NRXN3: variants seen among roughly 807,000 people sequenced by gnomAD.
The protein encoded by NRXN3 is neurexin III.
In NRXN3, 32 loss-of-function variants were observed where a neutral mutation model predicts 137.6. The observed-to-expected ratio is 0.23, with a 90% CI of 0.18 to 0.31. NRXN3 has a LOEUF of 0.31. Among genes scored for constraint, NRXN3 ranks in the 10% least tolerant of loss-of-function variants. NRXN3 has a pLI of 1.00. For synonymous variants in NRXN3, 798 were observed against 784.5 expected, an observed-to-expected ratio of 1.02 and a Z score of -0.29; for missense variants, 1,574 against 2,062.5, an observed-to-expected ratio of 0.76 and a Z score of 4.59.
intron 1 of NRXN3, among the ~76,000 whole-genome samples, chr14:78,194,162 G>A (rs1243425072): frequency 1.3e-5 from 2 of 152,222 alleles, no homozygotes; most frequent in Non-Finnish European, 2.9e-5. Context: ...AGTGGGCTGA[G>A]CACAATCATG....
chr14:78,231,232 T>G (rs1158777330), intron 1 of NRXN3: 2 of 152,190 alleles, frequency 1.3e-5, no homozygotes, highest in Admixed American at 1.3e-4. Flanking sequence ...ATTCTTTTTC[T>G]CCCCCAGAGA....
chr14:78,235,352 G>C (rs1035572907), intron 1 of NRXN3, among the ~76,000 whole-genome samples: 1 of 151,824 alleles, frequency 6.6e-6, no homozygotes, highest in African/African-American at 2.4e-5. Flanking sequence ...ATGAGATCAG[G>C]CCTGACCTCC....
At chr14:79,773,627 T>G (rs1351837512) in intron 19 of NRXN3, among the ~76,000 whole-genome samples, 13 of 92,102 alleles carry the variant, frequency 1.4e-4, no homozygotes, top group South Asian at 4.5e-4. Flanking sequence ...GGGGACTGTT[T>G]TGGGGTGGGG....
intron 15 of NRXN3, among the ~76,000 whole-genome samples, chr14:79,173,546 A>AT (rs1306569055): frequency 6.6e-6 from 1 of 151,702 alleles, no homozygotes; most frequent in African/African-American, 2.4e-5. Flanking sequence ...AAAAAAAAAA[A>AT]AAAAAAATTA....
chr14:79,709,736 C>T (rs949155546), intron 19 of NRXN3, among the ~76,000 whole-genome samples: 1 of 152,090 alleles, frequency 6.6e-6, no homozygotes, highest in Admixed American at 6.6e-5. Context: ...GAAATTTCAC[C>T]CAGCCTTTAT....
intron 19 of NRXN3, among the ~76,000 whole-genome samples, chr14:79,730,109 G>T (rs2098916411): frequency 6.6e-6 from 1 of 152,168 alleles, no homozygotes; most frequent in African/African-American, 2.4e-5. Flanking sequence ...CGAGGAAGAA[G>T]CCAGATTTGT....
rs1603476571 is a variant in NRXN3 at position 79,770,283 on chromosome 14, A to T, written c.4015-34829A>T. Among the ~76,000 whole-genome samples, 7 of 152,214 alleles carry T rather than the reference A, an allele frequency of 4.6e-5. No individual in the cohort carries two copies. In the South Asian group the frequency reaches 1.5e-3, roughly 32 times the overall value. ...TCTGCACCAAGCGGACCTAATAGAC[A>T]TCTCCAGAACTCTCCACCCCAAATC... On this transcript the variant is annotated intron_variant, in intron 19 of 20. Coordinates refer to ENST00000335750, the MANE Select transcript of NRXN3 (RefSeq NM_001330195.2).
At chr14:78,868,360 G>A (rs959749525) in intron 10 of NRXN3, among the ~76,000 whole-genome samples, 1 of 152,134 alleles carries the variant, frequency 6.6e-6, no homozygotes, top group African/African-American at 2.4e-5. Flanking sequence ...AAAATTCTTA[G>A]TTGATCTGAA....
intron 15 of NRXN3, among the ~76,000 whole-genome samples, chr14:79,082,745 G>A (rs1364707024): frequency 6.6e-6 from 1 of 152,104 alleles, no homozygotes; most frequent in Non-Finnish European, 1.5e-5. Context: ...TCTTTCTAAT[G>A]TAGGGACATC....
At chr14:79,294,680 C>A (rs1036909455) in intron 15 of NRXN3, among the ~76,000 whole-genome samples, 5 of 152,068 alleles carry the variant, frequency 3.3e-5, no homozygotes, top group African/African-American at 4.8e-5. Flanking sequence ...TTTCTGGGTT[C>A]TTCAGTATAA....
At chr14:79,410,712 G>A (rs1330211961) in intron 15 of NRXN3, among the ~76,000 whole-genome samples, 3 of 151,952 alleles carry the variant, frequency 2.0e-5, no homozygotes, top group South Asian at 2.1e-4. Flanking sequence ...ATTCATTGCC[G>A]ATTAGAAGGG....
intron 4 of NRXN3, among the ~76,000 whole-genome samples, chr14:78,398,723 C>T (rs1443095758): frequency 6.6e-6 from 1 of 152,178 alleles, no homozygotes; most frequent in Non-Finnish European, 1.5e-5. Flanking sequence ...ACTTCATTGA[C>T]ATAACCCCGA....
At chr14:79,698,341 C>A (rs574931067) in intron 19 of NRXN3, among the ~76,000 whole-genome samples, 74 of 152,078 alleles carry the variant, frequency 4.9e-4, no homozygotes, top group South Asian at 2.7e-3. Flanking sequence ...CTCCAGATGG[C>A]TTTGCTATAA....
chr14:79,630,654 T>C (rs2098335256), intron 16 of NRXN3, among the ~76,000 whole-genome samples: 1 of 152,224 alleles, frequency 6.6e-6, no homozygotes, highest in Non-Finnish European at 1.5e-5. Flanking sequence ...GTTCTGACTG[T>C]ATGAGGATTC....
intron 1 of NRXN3, among the ~76,000 whole-genome samples, chr14:78,230,613 G>A (rs2065266420): frequency 6.6e-6 from 1 of 152,142 alleles, no homozygotes; most frequent in African/African-American, 2.4e-5. Context: ...AGTCAGCCAT[G>A]AGAAGGTTTG....
intron 15 of NRXN3, among the ~76,000 whole-genome samples, chr14:79,431,076 G>T (rs2095745745): frequency 6.6e-6 from 1 of 152,040 alleles, no homozygotes; most frequent in South Asian, 2.1e-4. Flanking sequence ...TCAGATCCAG[G>T]ACTGAATGCA....
intron 10 of NRXN3, among the ~76,000 whole-genome samples, chr14:78,867,717 T>C (rs1269373878): frequency 3.9e-5 from 6 of 152,120 alleles, no homozygotes; most frequent in African/African-American, 4.8e-5. Context: ...TCTGAACAAG[T>C]AGGCCTTGCC....
chr14:79,586,767 T>A (rs997876556), intron 16 of NRXN3, among the ~76,000 whole-genome samples: 2 of 152,224 alleles, frequency 1.3e-5, no homozygotes. Flanking sequence ...AGGGTATTAT[T>A]GAAATTCTTT....
chr14:79,220,711 T>C (rs2069439700), intron 15 of NRXN3, among the ~76,000 whole-genome samples: 1 of 152,162 alleles, frequency 6.6e-6, no homozygotes, highest in African/African-American at 2.4e-5. Context: ...TTTTACTTAG[T>C]AACATGCATT....
Sources: allele counts gnomAD v4.1 joint callset (sites outside exome capture counted in the v4.1 genomes callset), GRCh38; gene constraint gnomAD v4.1.1; transcripts MANE v1.5; gene names NCBI Gene and HGNC (gene_info 2026-07-23, HGNC 2026-07-21).